Variants in AASDHPPT observed in about 807,000 individuals in gnomAD.
AASDHPPT encodes the protein aminoadipate-semialdehyde dehydrogenase-phosphopantetheinyl transferase.
Under a neutral mutation model 36.4 loss-of-function variants are expected in AASDHPPT, and 23 were observed. The ratio of observed to expected loss-of-function variants is 0.63; its 90% confidence interval spans 0.45 to 0.89. The LOEUF (loss-of-function observed/expected upper bound fraction) is 0.89. Among genes scored for constraint, AASDHPPT ranks in the 40% least tolerant of loss-of-function variants. The probability of loss-of-function intolerance (pLI) is 0.00; values close to 1 mark genes in which losing one functional copy is unlikely to be tolerated. For synonymous variants in AASDHPPT, 115 were observed against 128.0 expected (o/e 0.90, Z 0.68); for missense variants, 377 against 378.2 (o/e 1.00, Z 0.03).
chr11:106,077,924 C>T (rs1861078887), intron 1 of AASDHPPT, 31 bp downstream of exon 1: 1 of 1,604,384 alleles, frequency 6.2e-7, no homozygotes, highest in Non-Finnish European at 8.5e-7. Flanking sequence ...TATTTAGAGC[C>T]TAGGAAGCAG....
intron 2 of AASDHPPT, among the ~76,000 whole-genome samples, chr11:106,089,071 A>G (rs1429268747): frequency 6.6e-6 from 1 of 152,030 alleles, no homozygotes; most frequent in Non-Finnish European, 1.5e-5. Flanking sequence ...GATAAGGACC[A>G]TGTCTGTTTT....
Position 106,091,374 on chromosome 11 carries a change from G to C in AASDHPPT, c.590G>C (p.Arg197Pro). ...GTTGGACTAGGATTTGAATTGCAGC[G>C]GCTTGAATTTGATCTATCTCCATTA... The part of the protein sequence containing the change: ...IGVGLGFELQ[R>P]LEFDLSPLNL... The change falls in exon 4 of 6, where the codon CGG becomes CCG. Residue 197 changes from arginine (R) to proline (P), a missense_variant. By Grantham distance (103) the Arg-to-Pro change is moderately radical (BLOSUM62 -2). Coordinates refer to ENST00000278618, the MANE Select transcript of AASDHPPT (RefSeq NM_015423.3). 1 of 1,608,002 alleles carries C rather than the reference G, an allele frequency of 6.2e-7. No individual in the cohort carries two copies.
chr11:106,089,854 A>T (rs1156240487), intron 2 of AASDHPPT, among the ~76,000 whole-genome samples: 1 of 151,996 alleles, frequency 6.6e-6, no homozygotes, highest in African/African-American at 2.4e-5. Context: ...TTTGTTATCT[A>T]TGAAATAGTG....
At chr11:106,096,632 C>A in intron 5 of AASDHPPT, 111 bp from the exon 6 acceptor site, 1 of 785,250 alleles carries the variant, frequency 1.3e-6, no homozygotes, top group Non-Finnish European at 1.9e-6. Flanking sequence ...CCTATGTTGT[C>A]ATTTAATACT....
At position 106,091,422 on chromosome 11, in the gene AASDHPPT, A is replaced by T. The variant is rs1384226808; in HGVS notation, c.638A>T (p.Tyr213Phe). 1 of 1,606,114 alleles carries T rather than the reference A, an allele frequency of 6.2e-7. No homozygotes were observed. Among genetic ancestry groups the T allele is most frequent in the South Asian group, 1.1e-5 (1 of 89,064 alleles). Reference protein sequence around the residue: ...SPLNLDIGQVYKETRLFLDGE... With the variant: ...SPLNLDIGQVFKETRLFLDGE... Reference sequence around the variant, plus strand: ...TTAAACTTGGATATAGGCCAAGTTTATAAAGAAACACGTTTATTCCTGGAT... The same window carrying T: ...TTAAACTTGGATATAGGCCAAGTTTTTAAAGAAACACGTTTATTCCTGGAT... The change falls in exon 4 of 6, where the codon TAT becomes TTT. Residue 213 changes from tyrosine to phenylalanine, a missense_variant. Tyr to Phe is a conservative substitution (Grantham distance 22). Coordinates refer to ENST00000278618, the MANE Select transcript of AASDHPPT (RefSeq NM_015423.3).
At chr11:106,092,885 A>G (rs1029606855) in intron 4 of AASDHPPT, 4 of 152,192 alleles carry the variant, frequency 2.6e-5, no homozygotes, top group African/African-American at 9.6e-5. Context: ...AGCACATTTA[A>G]GGTAGGCTAT....
Position 106,091,424 on chromosome 11 carries a change from A to G in AASDHPPT, c.640A>G (p.Lys214Glu), listed in dbSNP as rs1861256068. ...AAACTTGGATATAGGCCAAGTTTAT[A>G]AAGAAACACGTTTATTCCTGGATGG... Reference protein sequence around the residue: ...PLNLDIGQVYKETRLFLDGEE... With the variant: ...PLNLDIGQVYEETRLFLDGEE... Residue 214 changes from lysine to glutamate, a missense_variant, in exon 4 of 6, where the codon AAA becomes GAA. Physicochemically the swap from Lys to Glu is moderately conservative, Grantham distance 56 (BLOSUM62 1). Coordinates refer to ENST00000278618, the MANE Select transcript of AASDHPPT (RefSeq NM_015423.3). The G allele has an allele frequency of 1.2e-6, 2 of 1,605,710 alleles. No individual in the cohort carries two copies. Among genetic ancestry groups the G allele is most frequent in the East Asian group, 2.2e-5 (1 of 44,508 alleles).
intron 5 of AASDHPPT, among the ~76,000 whole-genome samples, 154 bp downstream of exon 5, chr11:106,094,808 A>G (rs1249142092): frequency 6.6e-6 from 1 of 152,136 alleles, no homozygotes; most frequent in African/African-American, 2.4e-5. Context: ...AAATATTAAG[A>G]TCACTAGGGA....
chr11:106,081,792 G>A (rs1244825377), intron 2 of AASDHPPT, among the ~76,000 whole-genome samples: 2 of 151,072 alleles, frequency 1.3e-5, no homozygotes, highest in Non-Finnish European at 3.0e-5. Context: ...CTCACTCATA[G>A]ATGGGAATTG....
intron 4 of AASDHPPT, chr11:106,094,155 AG>A (rs1021163488): frequency 2.0e-5 from 3 of 152,922 alleles, no homozygotes; most frequent in African/African-American, 7.2e-5. Flanking sequence ...AAAAAACAAA[AG>A]AAAGGCTAAC....
chr11:106,083,260 A>G (rs1861162351), intron 2 of AASDHPPT, among the ~76,000 whole-genome samples: 1 of 152,210 alleles, frequency 6.6e-6, no homozygotes, highest in South Asian at 2.1e-4. Flanking sequence ...ACACTATATT[A>G]GATGCCTAAT....
intron 4 of AASDHPPT, chr11:106,092,459 T>C (rs1319888982): frequency 6.6e-6 from 1 of 152,096 alleles, no homozygotes; most frequent in African/African-American, 2.4e-5. Flanking sequence ...AGGGCTGGGC[T>C]AGAGGAAAAA....
At chr11:106,094,157 A>G (rs1441585174) in intron 4 of AASDHPPT, 1 of 153,020 alleles carries the variant, frequency 6.5e-6, no homozygotes, top group East Asian at 1.9e-4. Context: ...AAAACAAAAG[A>G]AAGGCTAACA....
Position 106,077,906 on chromosome 11 carries a change from T to C in AASDHPPT, c.183+13T>C, listed in dbSNP as rs754743799. The C allele has an allele frequency of 6.2e-7, 1 of 1,611,254 alleles. No homozygotes were observed. Among genetic ancestry groups the C allele is most frequent in the Non-Finnish European group, 8.5e-7 (1 of 1,178,106 alleles). Reference sequence around the variant, plus strand: ...TAAGGCAGCCATGGTACTACAGGTCTTTTTTGGTATTTAGAGCCTAGGAAG... The same window carrying C: ...TAAGGCAGCCATGGTACTACAGGTCCTTTTTGGTATTTAGAGCCTAGGAAG... On this transcript the variant is annotated intron_variant, in intron 1 of 5. Transcript: ENST00000278618.
chr11:106,089,939 C>T (rs1861237720), intron 2 of AASDHPPT, among the ~76,000 whole-genome samples: 1 of 151,920 alleles, frequency 6.6e-6, no homozygotes, highest in South Asian at 2.1e-4. Context: ...TAATGAAAAT[C>T]TTTTTATTTG....
chr11:106,081,603 A>C (rs1447074929), intron 2 of AASDHPPT, among the ~76,000 whole-genome samples: 1 of 152,162 alleles, frequency 6.6e-6, no homozygotes, highest in Non-Finnish European at 1.5e-5. Context: ...ATTGTTTTTT[A>C]GAATGCAGTC....
chr11:106,077,677 G>C lies in AASDHPPT; in HGVS notation c.-34G>C. The C allele has an allele frequency of 6.3e-7, 1 of 1,599,070 alleles. No homozygotes were observed. Among genetic ancestry groups the C allele is most frequent in the South Asian group, 1.1e-5 (1 of 90,332 alleles). The stretch of plus-strand genomic sequence containing the variant: ...GGCCACGTTTGCGTCCGCGCCATCA[G>C]GCCCGAGATAGCGGCGAGGTCCGCT... On this transcript the variant is annotated 5_prime_UTR_variant, in exon 1 of 6. Transcript: ENST00000278618.
chr11:106,081,204 C>T (rs1390340465), intron 2 of AASDHPPT, among the ~76,000 whole-genome samples: 3 of 152,126 alleles, frequency 2.0e-5, no homozygotes, highest in Admixed American at 6.5e-5. Flanking sequence ...CTCCCTTTTG[C>T]TTTTATTGTC....
intron 1 of AASDHPPT, among the ~76,000 whole-genome samples, chr11:106,079,141 C>T (rs1861102518): frequency 6.6e-6 from 1 of 152,092 alleles, no homozygotes; most frequent in Admixed American, 6.6e-5. Flanking sequence ...TAGAATACTG[C>T]ATAAGTATAA....
Sources: allele counts gnomAD v4.1 joint callset (sites outside exome capture counted in the v4.1 genomes callset), GRCh38; gene constraint gnomAD v4.1.1; transcripts MANE v1.5; gene names NCBI Gene and HGNC (gene_info 2026-07-23, HGNC 2026-07-21).